Variants in STXBP5L observed in about 807,000 individuals in gnomAD.
The protein encoded by STXBP5L is syntaxin binding protein 5L.
A neutral mutation model predicts 144.5 loss-of-function variants in STXBP5L; 65 were observed. The observed-to-expected ratio is 0.45, with a 90% CI of 0.37 to 0.55. The LOEUF is 0.55. Among genes scored for constraint, STXBP5L ranks in the 20% least tolerant of loss-of-function variants. STXBP5L has a pLI of 0.00. For missense variants in STXBP5L, 1,298 were observed against 1,405.5 expected (o/e 0.92, Z 1.22); for synonymous variants, 505 against 469.6 (o/e 1.08, Z -0.97).
At chr3:121,304,597 C>T (rs550695293) in intron 19 of STXBP5L, among the ~76,000 whole-genome samples, 3 of 152,048 alleles carry the variant, frequency 2.0e-5, no homozygotes, top group African/African-American at 4.8e-5. Flanking sequence ...TTAAGCAACT[C>T]ATCTCTAAAT....
chr3:121,158,296 A>C (rs2046192047), intron 9 of STXBP5L: 1 of 152,186 alleles, frequency 6.6e-6, no homozygotes, highest in Non-Finnish European at 1.5e-5. Flanking sequence ...TGTTTACCTC[A>C]TATCATTGAT....
intron 10 of STXBP5L, among the ~76,000 whole-genome samples, chr3:121,221,142 A>G (rs1353618019): frequency 6.6e-6 from 1 of 151,924 alleles, no homozygotes; most frequent in Non-Finnish European, 1.5e-5. Flanking sequence ...AGTACAGTTA[A>G]CCATGAGTGG....
At chr3:121,344,359 A>T (rs1174582345) in intron 20 of STXBP5L, among the ~76,000 whole-genome samples, 2 of 152,148 alleles carry the variant, frequency 1.3e-5, no homozygotes, top group East Asian at 3.8e-4. Flanking sequence ...CGTGTGTAAA[A>T]CACCAAAAGC....
intron 18 of STXBP5L, among the ~76,000 whole-genome samples, chr3:121,270,443 C>T (rs939053047): frequency 6.6e-6 from 1 of 151,802 alleles, no homozygotes; most frequent in Non-Finnish European, 1.5e-5. Flanking sequence ...CTCCTTTAAT[C>T]GGGGGCAGTT....
chr3:120,928,209 C>G (rs1709737874), intron 2 of STXBP5L, among the ~76,000 whole-genome samples: 1 of 152,056 alleles, frequency 6.6e-6, no homozygotes, highest in African/African-American at 2.4e-5. Context: ...CTTCCTGACA[C>G]TTTCCAGTGA....
At position 121,187,949 on chromosome 3, in the gene STXBP5L, A is replaced by G. The variant is rs546808456; in HGVS notation, c.878-17974A>G. On this transcript the variant is annotated intron_variant, in intron 9 of 26. Coordinates refer to ENST00000471454, the MANE Select transcript of STXBP5L (RefSeq NM_001308330.2). ...ACAAAGAGACAGAGAAGGGCATTAC[A>G]TAATGGTAAATGGATCACTGAAAGA... Among the ~76,000 whole-genome samples, 35 of 152,330 alleles carry G rather than the reference A, an allele frequency of 2.3e-4. 1 individual carries two copies. The highest frequency in any genetic ancestry group is 2.3e-3 in the Admixed American group (35 of 15,294).
intron 19 of STXBP5L, among the ~76,000 whole-genome samples, chr3:121,298,423 AT>A (rs1007776781): frequency 6.6e-6 from 1 of 152,218 alleles, no homozygotes; most frequent in Admixed American, 6.5e-5. Flanking sequence ...TTAGCAAAGA[AT>A]TCTTGAATGT....
chr3:121,189,410 GA>G lies in STXBP5L; in HGVS notation c.878-16511del, dbSNP rs1489028646. 1.1e-4 allele frequency among the ~76,000 whole-genome samples: 17 copies of G among 152,316 alleles called. No individual in the cohort carries two copies. In the East Asian group the frequency reaches 3.1e-3, roughly 28 times the overall value. ...AATTAATTTTTGTATAAAGTGTAAG[GA>G]AGGGATCCAGTTTCAGCTCTCTACA... On this transcript the variant is annotated intron_variant, in intron 9 of 26. Coordinates refer to ENST00000471454, the MANE Select transcript of STXBP5L (RefSeq NM_001308330.2).
In STXBP5L at chr3:121,313,443, A is replaced by AC. The variant is rs1256246508; in HGVS notation, c.2111-5025dup. Among the ~76,000 whole-genome samples, 102 of 55,456 alleles carry AC rather than the reference A, an allele frequency of 1.8e-3. 7 individuals are homozygous for AC. The highest frequency in any genetic ancestry group is 8.3e-3 in the African/African-American group (93 of 11,156). 36.4% of individuals were successfully genotyped at this position (55,456 alleles called of 152,430 possible). On this transcript the variant is annotated intron_variant, in intron 19 of 26. Transcript: ENST00000471454. ...GGGCGGCTGGCCGGGCGGGGGGCTG[A>AC]CCCCCCCACCTCCCTCCTGGACGGG...
intron 19 of STXBP5L, among the ~76,000 whole-genome samples, chr3:121,304,935 C>G (rs1015579221): frequency 6.6e-6 from 1 of 151,332 alleles, no homozygotes; most frequent in Non-Finnish European, 1.5e-5. Context: ...TATATAAAAC[C>G]CTAACAATAC....
intron 8 of STXBP5L, among the ~76,000 whole-genome samples, chr3:121,155,519 T>C (rs562927065): frequency 4.4e-4 from 67 of 152,030 alleles, no homozygotes; most frequent in African/African-American, 1.6e-3. Flanking sequence ...GCCACTGAGT[T>C]GATAAAACTA....
At chr3:121,297,005 T>A (rs1428638627) in intron 19 of STXBP5L, among the ~76,000 whole-genome samples, 2 of 152,170 alleles carry the variant, frequency 1.3e-5, no homozygotes, top group African/African-American at 4.8e-5. Flanking sequence ...GCATCCCAAC[T>A]GTGTCACTGC....
chr3:121,349,829 G>T (rs571513142), intron 20 of STXBP5L, among the ~76,000 whole-genome samples: 4 of 151,706 alleles, frequency 2.6e-5, no homozygotes, highest in African/African-American at 7.3e-5. Flanking sequence ...TCCTCCATCC[G>T]TTTATTTTGA....
chr3:120,936,858 G>A (rs964025143), intron 2 of STXBP5L, among the ~76,000 whole-genome samples: 2 of 152,006 alleles, frequency 1.3e-5, no homozygotes, highest in Non-Finnish European at 2.9e-5. Context: ...GTTTTTAAAA[G>A]TTGTTTTCCC....
rs753642862 is a variant in STXBP5L at position 121,407,404 on chromosome 3, TC to T, written c.2752del (p.Gln918LysfsTer3). Reference protein sequence around the residue: ...RKVVMNSSSASQEIGDHQYTI... With the variant: ...RKVVMNSSSAXQEIGDHQYTI... Reference sequence around the variant, plus strand: ...AGTGGTAATGAACTCATCTTCTGCATCCCAAGAAATAGGAGATCATCAGTAT... The same window carrying T: ...AGTGGTAATGAACTCATCTTCTGCATCCAAGAAATAGGAGATCATCAGTAT... On this transcript the variant is annotated frameshift_variant, in exon 23 of 27. Transcript: ENST00000471454. LOFTEE classifies it high-confidence loss of function. The T allele has an allele frequency of 6.2e-7, 1 of 1,613,008 alleles. No individual in the cohort carries two copies. Among genetic ancestry groups the T allele is most frequent in the Non-Finnish European group, 8.5e-7 (1 of 1,179,388 alleles).
intron 19 of STXBP5L, among the ~76,000 whole-genome samples, chr3:121,313,743 C>T (rs1307722561): frequency 1.1e-4 from 14 of 125,078 alleles, no homozygotes; most frequent in Non-Finnish European, 2.1e-4. Flanking sequence ...GCTGACCCCC[C>T]CCACCTCCCT....
intron 5 of STXBP5L, among the ~76,000 whole-genome samples, chr3:121,098,710 C>T: frequency 6.6e-6 from 1 of 152,142 alleles, no homozygotes; most frequent in South Asian, 2.1e-4. Flanking sequence ...GCCTGGCCTG[C>T]TCCACTTGCA....
At chr3:120,966,438 A>T (rs1051599233) in intron 3 of STXBP5L, among the ~76,000 whole-genome samples, 5 of 152,154 alleles carry the variant, frequency 3.3e-5, no homozygotes, top group African/African-American at 1.2e-4. Context: ...TTGGTATTTA[A>T]TGCTGGTGAC....
intron 7 of STXBP5L, among the ~76,000 whole-genome samples, chr3:121,123,419 A>G (rs1446481347): frequency 1.3e-5 from 2 of 151,754 alleles, no homozygotes; most frequent in Admixed American, 6.6e-5. Flanking sequence ...GAATAAATGA[A>G]TGCTGATGTA....
Sources: allele counts gnomAD v4.1 joint callset (sites outside exome capture counted in the v4.1 genomes callset), GRCh38; gene constraint gnomAD v4.1.1; transcripts MANE v1.5; gene names NCBI Gene and HGNC (gene_info 2026-07-23, HGNC 2026-07-21).